Variants in ZNF131 observed in about 807,000 individuals in gnomAD.
ZNF131 encodes zinc finger protein 131.
A neutral mutation model predicts 60.0 loss-of-function variants in ZNF131; 7 were observed. The observed-to-expected ratio is 0.12, with a 90% CI of 0.07 to 0.22. ZNF131 has a LOEUF of 0.22. ZNF131 is among the 10% of genes least tolerant of loss of function. The pLI, the probability that ZNF131 is intolerant of heterozygous loss-of-function variation, is 1.00. For missense variants in ZNF131, 493 were observed against 740.9 expected (o/e 0.67, Z 3.88); for synonymous variants, 257 against 253.2 (o/e 1.01, Z -0.14).
In ZNF131 at chr5:43,127,518, G is replaced by GC. The variant is rs1422469249; in HGVS notation, c.226+4208_226+4209insC. 8.5e-5 allele frequency among the ~76,000 whole-genome samples: 13 copies of GC among 152,348 alleles called. No individual in the cohort carries two copies. The South Asian group carries it at 2.7e-3, about 32-fold the overall frequency. On this transcript the variant is annotated intron_variant, in intron 3 of 6. Transcript: ENST00000682664. Reference sequence around the variant, plus strand: ...AATTTGAGCAGCACTGCCCTAGCATGATTCTAGTGTGCAGTCAATGTTGAG... The same window carrying GC: ...AATTTGAGCAGCACTGCCCTAGCATGCATTCTAGTGTGCAGTCAATGTTGAG...
At chr5:43,150,386 A>G (rs1435310594) in intron 4 of ZNF131, among the ~76,000 whole-genome samples, 1 of 152,212 alleles carries the variant, frequency 6.6e-6, no homozygotes, top group East Asian at 1.9e-4. Flanking sequence ...ATGAGTATCC[A>G]TGGAGAGTTG....
intron 2 of ZNF131, 80 bp from the exon 3 acceptor site, chr5:43,123,129 A>AT (rs1224908680): frequency 1.1e-4 from 126 of 1,160,446 alleles, no homozygotes; most frequent in Middle Eastern, 5.4e-4. Flanking sequence ...GCTTTATATG[A>AT]TTTTTAAGTC....
chr5:43,122,618 T>G (rs575277601), intron 2 of ZNF131, among the ~76,000 whole-genome samples: 59 of 152,164 alleles, frequency 3.9e-4, no homozygotes, highest in Non-Finnish European at 8.8e-5. Context: ...ATACCCCCTT[T>G]GAGAATCTCC....
intron 4 of ZNF131, among the ~76,000 whole-genome samples, chr5:43,147,388 T>C (rs1747732650): frequency 6.6e-6 from 1 of 151,780 alleles, no homozygotes; most frequent in Admixed American, 6.6e-5. Context: ...TGGAAGTTTT[T>C]TAAATCTTTT....
Position 43,123,239 on chromosome 5 carries a change from T to C in ZNF131, c.155T>C (p.Leu52Ser), listed in dbSNP as rs1480828441. 6.2e-7 allele frequency: 1 copy of C among 1,611,998 alleles called. No homozygotes were observed. Among genetic ancestry groups the C allele is most frequent in the Non-Finnish European group, 8.5e-7 (1 of 1,179,540 alleles). The part of the protein sequence containing the change: ...GHHFKAHKAV[L>S]AACSKFFYKF... Reference sequence around the variant, plus strand: ...CATTTTAAGGCTCACAAGGCTGTTTTGGCTGCTTGTAGTAAGTTCTTCTAC... The same window carrying C: ...CATTTTAAGGCTCACAAGGCTGTTTCGGCTGCTTGTAGTAAGTTCTTCTAC... The change falls in exon 3 of 7, where the codon TTG (leucine) becomes TCG (serine). Residue 52 changes from leucine (L) to serine (S), a missense_variant. Coordinates refer to ENST00000682664, the MANE Select transcript of ZNF131 (RefSeq NM_001330707.2).
At chr5:43,149,950 A>G (rs1748091261) in intron 4 of ZNF131, among the ~76,000 whole-genome samples, 1 of 152,164 alleles carries the variant, frequency 6.6e-6, no homozygotes, top group Admixed American at 6.5e-5. Context: ...TTTTTAGCTA[A>G]CAGTTTCATG....
At chr5:43,164,830 C>CTGAA (rs1750150936) in intron 5 of ZNF131, among the ~76,000 whole-genome samples, 1 of 152,186 alleles carries the variant, frequency 6.6e-6, no homozygotes, top group Non-Finnish European at 1.5e-5. Context: ...GAACCATATA[C>CTGAA]CCATTGGAGG....
chr5:43,155,782 A>T (rs962321640), intron 4 of ZNF131, among the ~76,000 whole-genome samples: 2 of 152,104 alleles, frequency 1.3e-5, no homozygotes, highest in African/African-American at 4.8e-5. Flanking sequence ...TGCTGGATGG[A>T]TGGAGTGTTG....
chr5:43,166,681 G>A (rs10070751), intron 5 of ZNF131, among the ~76,000 whole-genome samples: 107,562 of 148,840 alleles, frequency 0.72, 38,752 homozygotes, highest in Middle Eastern at 0.87. Flanking sequence ...TTTGACACGG[G>A]GTCTCGCTCT....
At position 43,123,432 on chromosome 5, in the gene ZNF131, C is replaced by T. The variant is rs575241660; in HGVS notation, c.226+122C>T. Reference sequence around the variant, plus strand: ...AGCAGTTTTAGACAGTTTATCAAGACACCATAGGAAATAGGCATCAGTAGT... The same window carrying T: ...AGCAGTTTTAGACAGTTTATCAAGATACCATAGGAAATAGGCATCAGTAGT... On this transcript the variant is annotated intron_variant, in intron 3 of 6. Coordinates refer to ENST00000682664, the MANE Select transcript of ZNF131 (RefSeq NM_001330707.2). The T allele has an allele frequency of 1.3e-5, 10 of 770,694 alleles. No homozygotes were observed. In the South Asian group the frequency reaches 1.9e-4, roughly 14 times the overall value. 47.7% of individuals were successfully genotyped at this position (770,694 alleles called of 1,614,324 possible).
At chr5:43,173,132 T>G in intron 5 of ZNF131, 186 bp from the exon 6 acceptor site, 1 of 517,898 alleles carries the variant, frequency 1.9e-6, no homozygotes, top group Non-Finnish European at 3.3e-6. Context: ...ATATTAAATT[T>G]TATTATTTTT....
chr5:43,128,261 A>G (rs1354782573), intron 3 of ZNF131, among the ~76,000 whole-genome samples: 1 of 152,180 alleles, frequency 6.6e-6, no homozygotes, highest in African/African-American at 2.4e-5. Flanking sequence ...CATATCCACC[A>G]TCACTTCATT....
chr5:43,158,285 TTTTG>T (rs989332101), intron 4 of ZNF131, among the ~76,000 whole-genome samples: 19 of 149,076 alleles, frequency 1.3e-4, no homozygotes, highest in African/African-American at 4.5e-4. Context: ...TTCTGTTTTG[TTTTG>T]TTTTTGTTTT....
At chr5:43,149,302 C>G (rs550256725) in intron 4 of ZNF131, among the ~76,000 whole-genome samples, 1 of 151,254 alleles carries the variant, frequency 6.6e-6, no homozygotes, top group South Asian at 2.1e-4. Flanking sequence ...CGCCTATAAT[C>G]TTGGCACTTT....
intron 4 of ZNF131, chr5:43,143,343 T>C: frequency 7.7e-7 from 1 of 1,298,728 alleles, no homozygotes; most frequent in African/African-American, 1.5e-5. Flanking sequence ...TTAAGTGCAG[T>C]GATCCAGGAT....
At chr5:43,163,337 CAGTATATGTTCAT>C (rs1174336166) in intron 5 of ZNF131, among the ~76,000 whole-genome samples, 1 of 152,160 alleles carries the variant, frequency 6.6e-6, no homozygotes, top group Non-Finnish European at 1.5e-5. Context: ...GGTTAGTAGG[CAGTATATGTTCAT>C]CTCTCTCCAC....
At chr5:43,124,452 CAAAA>C (rs1411802473) in intron 3 of ZNF131, 1 of 151,496 alleles carries the variant, frequency 6.6e-6, no homozygotes, top group Non-Finnish European at 1.5e-5. Flanking sequence ...GTAAAGAAAA[CAAAA>C]AAGAGTTAAG....
At chr5:43,135,394 A>G (rs554645083) in intron 3 of ZNF131, among the ~76,000 whole-genome samples, 12 of 152,340 alleles carry the variant, frequency 7.9e-5, no homozygotes, top group Admixed American at 3.3e-4. Flanking sequence ...AGTAACTGGG[A>G]ATAGGCTTAA....
intron 4 of ZNF131, among the ~76,000 whole-genome samples, chr5:43,150,168 A>G (rs1579819778): frequency 6.6e-6 from 1 of 152,180 alleles, no homozygotes; most frequent in Non-Finnish European, 1.5e-5. Context: ...AGGAAACCCA[A>G]ATCTTCTATA....
Sources: gnomAD v4.1 joint callset for allele counts (sites outside exome capture counted in the v4.1 genomes callset) on GRCh38, gnomAD v4.1.1 for gene constraint, MANE v1.5 for transcripts, NCBI Gene and HGNC (gene_info 2026-07-23, HGNC 2026-07-21) for gene names.